The following DAGLA variants were observed in gnomAD, a reference collection of about 807,000 sequenced individuals.
The protein encoded by DAGLA is diacylglycerol lipase-alpha.
In DAGLA, 22 loss-of-function variants were observed where a neutral mutation model predicts 102.6. The ratio of observed to expected loss-of-function variants is 0.21; its 90% CI spans 0.15 to 0.31. The LOEUF (loss-of-function observed/expected upper bound fraction) is 0.31. Among genes scored for constraint, DAGLA ranks in the 10% least tolerant of loss-of-function variants. The pLI, the probability that DAGLA is intolerant of heterozygous loss-of-function variation, is 1.00. For synonymous variants in DAGLA, 578 were observed against 628.9 expected, an observed-to-expected ratio of 0.92 and a Z score of 1.21; for missense variants, 927 against 1,446.6, an observed-to-expected ratio of 0.64 and a Z score of 5.83.
chr11:61,711,080 C>T (rs989298341), intron 1 of DAGLA, among the ~76,000 whole-genome samples: 3 of 152,136 alleles, frequency 2.0e-5, no homozygotes, highest in African/African-American at 4.8e-5. Context: ...GAGTCGCGTT[C>T]CCGGGAGAGT....
chr11:61,743,438 T>A, intron 19 of DAGLA, 94 bp from the exon 20 acceptor site: 1 of 924,746 alleles, frequency 1.1e-6, no homozygotes, highest in Non-Finnish European at 1.6e-6. Flanking sequence ...ACTGTACCCT[T>A]TATTCCCTGC....
intron 3 of DAGLA, among the ~76,000 whole-genome samples, chr11:61,721,425 A>G (rs566163352): frequency 4.8e-4 from 73 of 152,314 alleles, no homozygotes; most frequent in African/African-American, 1.7e-3. Context: ...TTATTGGCAC[A>G]TATCCATTCA....
At chr11:61,700,261 C>T (rs1180056756) in intron 1 of DAGLA, among the ~76,000 whole-genome samples, 1 of 149,100 alleles carries the variant, frequency 6.7e-6, no homozygotes, top group East Asian at 1.9e-4. Flanking sequence ...ATAACTGAAT[C>T]TGGGAGTATT....
intron 12 of DAGLA, 60 bp downstream of exon 12, chr11:61,735,876 G>C (rs186665594): frequency 6.1e-6 from 9 of 1,481,274 alleles, no homozygotes; most frequent in Admixed American, 5.8e-5. Context: ...CCAGTGTGCA[G>C]AGGCGTGTAT....
In DAGLA at chr11:61,737,686, G is replaced by C; in HGVS notation, c.1515-1G>C. ...AGCTTCTGCTTCGGCTTCCCTTGCA[G>C]TGAGGATGCGATGGAGTATTCCAAG... On this transcript the variant is annotated splice_acceptor_variant, in intron 14 of 19. Coordinates refer to ENST00000257215, the MANE Select transcript of DAGLA (RefSeq NM_006133.3). LOFTEE classifies it high-confidence loss of function. 6.2e-7 allele frequency: 1 copy of C among 1,613,894 alleles called. No homozygotes were observed. Among genetic ancestry groups the C allele is most frequent in the Non-Finnish European group, 8.5e-7 (1 of 1,179,812 alleles).
Position 61,744,426 on chromosome 11 carries a change from T to A in DAGLA, c.3066T>A (p.Ser1022=). The A allele has an allele frequency of 6.2e-7, 1 of 1,605,784 alleles. No homozygotes were observed. Among genetic ancestry groups the A allele is most frequent in the Non-Finnish European group, 8.5e-7 (1 of 1,175,016 alleles). Residue 1022 remains serine, a synonymous_variant, in exon 20 of 20, where the codon TCT becomes TCA. Coordinates refer to ENST00000257215, the MANE Select transcript of DAGLA (RefSeq NM_006133.3). ...ECLAADKIRT[S]TPTGHGASPA... ...TGGCGGCTGACAAGATCCGGACTTC[T>A]ACCCCCACTGGCCACGGAGCCAGCC...
At position 61,744,969 on chromosome 11, in the gene DAGLA, CT is replaced by C. The variant is rs2065524753; in HGVS notation, c.*481del. 6.0e-6 allele frequency: 1 copy of C among 167,218 alleles called. No individual in the cohort carries two copies. The highest frequency in any genetic ancestry group is 5.5e-5 in the Admixed American group (1 of 18,228). The allele number at this position is 167,218 out of a possible 1,614,324, so 10.4% of individuals were successfully genotyped here. On this transcript the variant is annotated 3_prime_UTR_variant, in exon 20 of 20. Coordinates refer to ENST00000257215, the MANE Select transcript of DAGLA (RefSeq NM_006133.3). ...GATCTGGTGCCTGCTGGCCGGCCCC[CT>C]GGGGTGCCCCTGCCGAGGTGGCCTG...
intron 6 of DAGLA, among the ~76,000 whole-genome samples, chr11:61,727,503 C>T (rs1297365986): frequency 1.3e-5 from 2 of 152,230 alleles, no homozygotes; most frequent in African/African-American, 4.8e-5. Context: ...GAAGGGAAGA[C>T]TAAGAGGGCA....
chr11:61,683,936 A>G (rs1246674612), intron 1 of DAGLA, among the ~76,000 whole-genome samples: 2 of 151,868 alleles, frequency 1.3e-5, no homozygotes, highest in Non-Finnish European at 2.9e-5. Context: ...TCATATTCCC[A>G]TTTTCCTTGT....
intron 8 of DAGLA, 115 bp from the exon 9 acceptor site, chr11:61,731,202 A>C: frequency 7.5e-7 from 1 of 1,329,056 alleles, no homozygotes; most frequent in Non-Finnish European, 1.0e-6. Flanking sequence ...GGGGACCAGC[A>C]ACCCCTCCCT....
intron 9 of DAGLA, among the ~76,000 whole-genome samples, chr11:61,732,447 A>T (rs961689824): frequency 6.6e-6 from 1 of 151,936 alleles, no homozygotes; most frequent in African/African-American, 2.4e-5. Flanking sequence ...GTGGCAGAGA[A>T]CTCTTCAAAA....
intron 1 of DAGLA, among the ~76,000 whole-genome samples, chr11:61,700,877 C>G (rs896304626): frequency 6.6e-6 from 1 of 152,246 alleles, no homozygotes. Context: ...CCTCCAGCAA[C>G]GAGACCCCCT....
chr11:61,723,594 G>C, intron 5 of DAGLA, 22 bp downstream of exon 5: 1 of 1,609,716 alleles, frequency 6.2e-7, no homozygotes, highest in East Asian at 2.2e-5. Context: ...GGCTGGGTGG[G>C]CAGTCCCAGG....
At chr11:61,683,758 C>G (rs1037330324) in intron 1 of DAGLA, among the ~76,000 whole-genome samples, 1 of 152,096 alleles carries the variant, frequency 6.6e-6, no homozygotes, top group African/African-American at 2.4e-5. Flanking sequence ...CTTCCCAGTC[C>G]TGGGGTTTTG....
At chr11:61,710,507 G>A (rs561020932) in intron 1 of DAGLA, among the ~76,000 whole-genome samples, 11 of 152,242 alleles carry the variant, frequency 7.2e-5, no homozygotes, top group East Asian at 5.8e-4. Context: ...GGCCTTGGGC[G>A]AGAACTCTGT....
intron 1 of DAGLA, among the ~76,000 whole-genome samples, chr11:61,683,770 G>A (rs917859576): frequency 6.6e-6 from 1 of 152,092 alleles, no homozygotes; most frequent in Non-Finnish European, 1.5e-5. Flanking sequence ...GGGGTTTTGG[G>A]GTAGCAGGGA....
Position 61,745,768 on chromosome 11 carries a change from A to G in DAGLA, c.*1279A>G, listed in dbSNP as rs1388505272. On this transcript the variant is annotated 3_prime_UTR_variant, in exon 20 of 20. Coordinates refer to ENST00000257215, the MANE Select transcript of DAGLA (RefSeq NM_006133.3). ...CGCGTATGCATGTGCATGAGTGTGC[A>G]CCGTTCCTAAGGAAGGGGCCTCTGG... 6.6e-6 allele frequency: 1 copy of G among 152,306 alleles called. No homozygotes were observed. Among genetic ancestry groups the G allele is most frequent in the Non-Finnish European group, 1.5e-5 (1 of 68,122 alleles). 9.4% of individuals were successfully genotyped at this position (152,306 alleles called of 1,614,324 possible). A position where few individuals can be genotyped will look rare whatever the true frequency, so the allele number is the denominator to read the frequency against.
At chr11:61,726,938 C>T (rs1376781178) in intron 6 of DAGLA, among the ~76,000 whole-genome samples, 1 of 152,250 alleles carries the variant, frequency 6.6e-6, no homozygotes, top group African/African-American at 2.4e-5. Flanking sequence ...CTGGGGCGGT[C>T]TGAGGGGTCT....
At chr11:61,730,839 T>C (rs2065367439) in intron 8 of DAGLA, among the ~76,000 whole-genome samples, 2 of 152,208 alleles carry the variant, frequency 1.3e-5, no homozygotes, top group African/African-American at 4.8e-5. Flanking sequence ...GATTTGGTGA[T>C]TGGTCTCCTG....
Sources: gnomAD v4.1 joint callset for allele counts (sites outside exome capture counted in the v4.1 genomes callset) on GRCh38, gnomAD v4.1.1 for gene constraint, MANE v1.5 for transcripts, NCBI Gene and HGNC (gene_info 2026-07-23, HGNC 2026-07-21) for gene names.